The following GLDC variants were observed in gnomAD, a reference collection of about 807,000 sequenced individuals.
GLDC encodes the protein glycine dehydrogenase (decarboxylating), mitochondrial.
In GLDC, 104 loss-of-function variants were observed where a neutral mutation model predicts 121.3. The observed-to-expected ratio is 0.86, with a 90% confidence interval of 0.73 to 1.01. The LOEUF (loss-of-function observed/expected upper bound fraction) is 1.01. Among genes scored for constraint, GLDC ranks in the 50% least tolerant of loss-of-function variants. GLDC has a pLI of 0.00. For synonymous variants in GLDC, 546 were observed against 480.6 expected, an observed-to-expected ratio of 1.14 and a Z score of -1.78; for missense variants, 1,429 against 1,306.6, an observed-to-expected ratio of 1.09 and a Z score of -1.44.
At chr9:6,611,234 T>C (rs1818844374) in intron 3 of GLDC, among the ~76,000 whole-genome samples, 1 of 152,238 alleles carries the variant, frequency 6.6e-6, no homozygotes, top group Non-Finnish European at 1.5e-5. Flanking sequence ...TAGCCAAGAA[T>C]GTGGCTTTGG....
At chr9:6,550,670 G>C (rs1303729147) in intron 21 of GLDC, 133 bp downstream of exon 21, 6 of 730,770 alleles carry the variant, frequency 8.2e-6, no homozygotes, top group Non-Finnish European at 1.5e-5. Context: ...TTATTTCCAA[G>C]AACTCTACAC....
At chr9:6,640,953 A>C (rs1429069077) in intron 2 of GLDC, among the ~76,000 whole-genome samples, 1 of 152,184 alleles carries the variant, frequency 6.6e-6, no homozygotes, top group Non-Finnish European at 1.5e-5. Context: ...ATATCCTTCT[A>C]GTCCTTTTGT....
intron 15 of GLDC, among the ~76,000 whole-genome samples, chr9:6,574,592 A>C (rs938482717): frequency 9.9e-5 from 15 of 152,216 alleles, no homozygotes; most frequent in Admixed American, 8.5e-4. Context: ...CTAAAGTCTA[A>C]CAAACTTCAA....
At chr9:6,553,590 A>G in intron 19 of GLDC, 81 bp from the exon 20 acceptor site, 1 of 1,411,770 alleles carries the variant, frequency 7.1e-7, no homozygotes, top group Non-Finnish European at 1.0e-6. Flanking sequence ...CCCTCCCAGA[A>G]AGCCTTGTTC....
chr9:6,644,632 T>C lies in GLDC; in HGVS notation c.316A>G (p.Lys106Glu), dbSNP rs1216097144. The C allele has an allele frequency of 6.2e-6, 10 of 1,612,398 alleles. No homozygotes were observed. In the Admixed American group the frequency reaches 1.5e-4, roughly 24 times the overall value. The change falls in exon 2 of 25, where the codon AAA (lysine) becomes GAA (glutamate). Residue 106 changes from lysine (K) to glutamate (E), a missense_variant. Transcript: ENST00000321612. The part of the protein sequence containing the change: ...PANIRLKRPL[K>E]MEDPVCENEI... The stretch of plus-strand genomic sequence containing the variant: ...CACTTACAAACAGGGTCTTCCATTT[T>C]CAAGGGTCTTTTCAAACGGATGTTG...
At chr9:6,550,396 A>G (rs560075979) in intron 21 of GLDC, among the ~76,000 whole-genome samples, 1 of 152,172 alleles carries the variant, frequency 6.6e-6, no homozygotes, top group Non-Finnish European at 1.5e-5. Flanking sequence ...GGAGGCTGAG[A>G]CAGGTGGATC....
At chr9:6,604,500 G>A in intron 7 of GLDC, 88 bp downstream of exon 7, 1 of 1,232,576 alleles carries the variant, frequency 8.1e-7, no homozygotes, top group Non-Finnish European at 1.2e-6. Context: ...TGGCCCAGTT[G>A]AATTCAGATA....
chr9:6,581,810 T>C (rs1428025883), intron 15 of GLDC, among the ~76,000 whole-genome samples: 13 of 152,238 alleles, frequency 8.5e-5, no homozygotes, highest in Non-Finnish European at 1.9e-4. Context: ...AAATCCTTTA[T>C]ATTTATTGTA....
chr9:6,555,316 G>A (rs927421076), intron 18 of GLDC, among the ~76,000 whole-genome samples: 1 of 152,168 alleles, frequency 6.6e-6, no homozygotes, highest in Non-Finnish European at 1.5e-5. Context: ...CAGATACCAG[G>A]CATGCCATCC....
At chr9:6,537,641 T>C (rs191426160) in intron 22 of GLDC, among the ~76,000 whole-genome samples, 107 of 152,162 alleles carry the variant, frequency 7.0e-4, no homozygotes, top group African/African-American at 2.4e-3. Flanking sequence ...ATTAGCTGGG[T>C]GTGGTGGTAT....
intron 4 of GLDC, among the ~76,000 whole-genome samples, chr9:6,608,687 A>G (rs1054260613): frequency 7.2e-4 from 109 of 152,294 alleles, no homozygotes; most frequent in African/African-American, 2.5e-3. Context: ...CGGAGCTTGC[A>G]GTGAGCAGAG....
intron 15 of GLDC, 22 bp from the exon 16 acceptor site, chr9:6,565,451 G>C (rs946267289): frequency 1.3e-6 from 2 of 1,583,052 alleles, no homozygotes; most frequent in Admixed American, 1.7e-5. Context: ...AAGAAGAAAG[G>C]GATCACGGTT....
chr9:6,546,694 G>A (rs1817398644), intron 21 of GLDC, among the ~76,000 whole-genome samples: 2 of 151,922 alleles, frequency 1.3e-5, no homozygotes, highest in Admixed American at 6.6e-5. Flanking sequence ...AGACGCAGTG[G>A]CTCACGCCTG....
At chr9:6,539,911 T>A in intron 22 of GLDC, 140 bp downstream of exon 22, 1 of 707,398 alleles carries the variant, frequency 1.4e-6, no homozygotes. Context: ...TTCTCTATTA[T>A]TTTGGAGGTT....
At chr9:6,565,321 T>G (rs1167761742) in intron 16 of GLDC, 33 bp downstream of exon 16, 1 of 1,496,450 alleles carries the variant, frequency 6.7e-7, no homozygotes, top group African/African-American at 1.4e-5. Context: ...CTGTGCCCCA[T>G]GGTGAGCAAG....
At chr9:6,575,380 T>C (rs903765603) in intron 15 of GLDC, among the ~76,000 whole-genome samples, 1 of 152,202 alleles carries the variant, frequency 6.6e-6, no homozygotes, top group Non-Finnish European at 1.5e-5. Context: ...GTAAACCTAG[T>C]GGTTTTCACA....
intron 4 of GLDC, among the ~76,000 whole-genome samples, chr9:6,608,377 G>C (rs1422545893): frequency 7.1e-6 from 1 of 141,810 alleles, no homozygotes; most frequent in Non-Finnish European, 1.5e-5. Context: ...AGCCGAGATA[G>C]CGCCAGTGCA....
intron 21 of GLDC, among the ~76,000 whole-genome samples, chr9:6,544,876 G>C (rs559874716): frequency 6.6e-6 from 1 of 152,176 alleles, no homozygotes; most frequent in East Asian, 1.9e-4. Context: ...AAGGTGGGTG[G>C]ATCACCTGAG....
chr9:6,592,506 C>A (rs753995729), intron 10 of GLDC, among the ~76,000 whole-genome samples: 3 of 152,188 alleles, frequency 2.0e-5, no homozygotes, highest in Admixed American at 6.5e-5. Flanking sequence ...TCCCTTAACC[C>A]ACTTATCAGA....
Sources: gnomAD v4.1 joint callset for allele counts (sites outside exome capture counted in the v4.1 genomes callset) on GRCh38, gnomAD v4.1.1 for gene constraint, MANE v1.5 for transcripts, NCBI Gene and HGNC (gene_info 2026-07-23, HGNC 2026-07-21) for gene names.